The following NEK4 variants were observed in gnomAD, a reference collection of about 807,000 sequenced individuals.
The protein encoded by NEK4 is NIMA related kinase 4, also known as serine/threonine-protein kinase Nek4.
A neutral mutation model predicts 98.4 loss-of-function variants in NEK4; 86 were observed. The observed-to-expected ratio is 0.87, with a 90% CI of 0.73 to 1.05. The LOEUF is 1.05. NEK4 is among the 50% of genes least tolerant of loss of function. NEK4 has a pLI of 0.00. For synonymous variants in NEK4, 328 were observed against 342.2 expected, an observed-to-expected ratio of 0.96 and a Z score of 0.46; for missense variants, 898 against 950.3, an observed-to-expected ratio of 0.94 and a Z score of 0.72.
At chr3:52,743,325 CT>C in intron 12 of NEK4, 26 bp downstream of exon 12, 1 of 1,570,200 alleles carries the variant, frequency 6.4e-7, no homozygotes, top group Non-Finnish European at 8.8e-7. Flanking sequence ...GACTGTCCAC[CT>C]TCTCTCTTAG....
At chr3:52,764,747 TGTGCGC>T (rs1698486254) in intron 4 of NEK4, among the ~76,000 whole-genome samples, 1 of 148,848 alleles carries the variant, frequency 6.7e-6, no homozygotes, top group African/African-American at 2.5e-5. Flanking sequence ...AATCTGTGGG[TGTGCGC>T]GTGCGCATGC....
At chr3:52,758,958 C>T (rs945569445) in intron 6 of NEK4, among the ~76,000 whole-genome samples, 2 of 151,900 alleles carry the variant, frequency 1.3e-5, no homozygotes, top group Admixed American at 1.3e-4. Flanking sequence ...GGTATGGTGG[C>T]GTGCACCTGT....
intron 15 of NEK4, among the ~76,000 whole-genome samples, chr3:52,728,301 T>C (rs1056253337): frequency 8.5e-5 from 13 of 152,090 alleles, no homozygotes; most frequent in African/African-American, 2.4e-4. Context: ...ACTTGAGCCT[T>C]AGAGGTAGAG....
chr3:52,733,460 T>C (rs538081441), intron 15 of NEK4: 44 of 415,702 alleles, frequency 1.1e-4, no homozygotes, highest in South Asian at 8.5e-4. Context: ...ATGTAATGAG[T>C]GTACAAGAAC....
chr3:52,737,431 A>G, intron 15 of NEK4, 155 bp downstream of exon 15: 2 of 686,890 alleles, frequency 2.9e-6, no homozygotes, highest in Non-Finnish European at 4.8e-6. Context: ...TCTAATATCG[A>G]TTGTGGTAAT....
At chr3:52,734,702 GGAGTA>G (rs1324978930) in intron 15 of NEK4, 2 of 159,804 alleles carry the variant, frequency 1.3e-5, no homozygotes, top group African/African-American at 2.4e-5. Flanking sequence ...CAGTTATATC[GGAGTA>G]GAGAGTTTAA....
chr3:52,725,698 AT>A (rs900492264), intron 15 of NEK4, among the ~76,000 whole-genome samples: 3 of 152,186 alleles, frequency 2.0e-5, no homozygotes, highest in Non-Finnish European at 4.4e-5. Flanking sequence ...TATAATCTCC[AT>A]GGTAACCACA....
chr3:52,754,803 G>C (rs143302658), intron 6 of NEK4: 1 of 316,330 alleles, frequency 3.2e-6, no homozygotes, highest in Non-Finnish European at 6.4e-6. Context: ...GCCGGGCACC[G>C]TGGCTCATGC....
At position 52,743,371 on chromosome 3, in the gene NEK4, G is replaced by A. The variant is rs772255532; in HGVS notation, c.1985C>T (p.Ser662Phe). 1.2e-6 allele frequency: 2 copies of A among 1,614,054 alleles called. No homozygotes were observed. Among genetic ancestry groups the A allele is most frequent in the Non-Finnish European group, 1.7e-6 (2 of 1,179,928 alleles). Residue 662 changes from serine to phenylalanine, a missense_variant, in exon 12 of 16, where the codon TCT becomes TTT. Coordinates refer to ENST00000233027, the MANE Select transcript of NEK4 (RefSeq NM_003157.6). ...DQPLPARRLS[S>F]DCSVTQERKQ... ...ATGCACCTGAGTGACGCTGCAGTCA[G>A]AGGAGAGCCGTCGGGCAGGCAAGGG...
At chr3:52,734,026 T>C (rs1434175150) in intron 15 of NEK4, among the ~76,000 whole-genome samples, 1 of 152,136 alleles carries the variant, frequency 6.6e-6, no homozygotes, top group African/African-American at 2.4e-5. Context: ...AAGGTAACCT[T>C]ACAAATGTAA....
chr3:52,713,720 C>T (rs1021856595), intron 15 of NEK4, among the ~76,000 whole-genome samples: 26 of 148,066 alleles, frequency 1.8e-4, no homozygotes, highest in Non-Finnish European at 1.3e-4. Context: ...CTTGAACCCG[C>T]GAGGCGGAGG....
Position 52,746,800 on chromosome 3 carries a change from C to T in NEK4, c.1611G>A (p.Arg537=), listed in dbSNP as rs767757786. The T allele has an allele frequency of 2.3e-5, 37 of 1,613,974 alleles. No homozygotes were observed. Among genetic ancestry groups the T allele is most frequent in the Non-Finnish European group, 3.1e-5 (36 of 1,179,982 alleles). Residue 537 remains arginine, a synonymous_variant, in exon 9 of 16, where the codon CGG becomes CGA. Transcript: ENST00000233027. ...GCTCAGTCTGTTCTCTCCTCTTTTG[C>T]CGTCGCTGTCGAGACAGGGAAGGTT... ...GSEPSLSRQR[R]QKRREQTEHR...
intron 13 of NEK4, 124 bp downstream of exon 13, chr3:52,741,287 C>A: frequency 1.7e-6 from 1 of 572,778 alleles, no homozygotes; most frequent in Non-Finnish European, 3.1e-6. Flanking sequence ...CCAGCATATG[C>A]CACAAACCAT....
intron 15 of NEK4, among the ~76,000 whole-genome samples, chr3:52,726,001 T>C (rs898636273): frequency 1.3e-5 from 2 of 151,642 alleles, no homozygotes; most frequent in Non-Finnish European, 2.9e-5. Flanking sequence ...CACAAAAAAA[T>C]TGCAATTAAA....
intron 6 of NEK4, chr3:52,753,522 C>T: frequency 2.1e-6 from 1 of 480,708 alleles, no homozygotes; most frequent in Non-Finnish European, 4.2e-6. Flanking sequence ...TTGGAGTACA[C>T]ATTATGTACT....
In NEK4 at chr3:52,712,720, C is replaced by G. The variant is rs527645382; in HGVS notation, c.2434-851G>C. Among the ~76,000 whole-genome samples the G allele has an allele frequency of 6.6e-5, 10 of 152,358 alleles. No homozygotes were observed. In the South Asian group the frequency reaches 2.1e-3, roughly 32 times the overall value. ...TGGACCGGGTTCTCCCCCAGCTACC[C>G]TGGCCAAACTCCACCTCGTTCTGCT... On this transcript the variant is annotated intron_variant, in intron 15 of 15. Transcript: ENST00000233027.
intron 15 of NEK4, among the ~76,000 whole-genome samples, chr3:52,719,454 G>A (rs550729880): frequency 2.0e-5 from 3 of 151,974 alleles, no homozygotes; most frequent in South Asian, 2.1e-4. Flanking sequence ...ATGGTGACAC[G>A]CACCTGTAGT....
chr3:52,746,709 C>T, intron 9 of NEK4, 25 bp downstream of exon 9: 1 of 1,584,846 alleles, frequency 6.3e-7, no homozygotes, highest in Non-Finnish European at 8.6e-7. Context: ...AAGTCCACCT[C>T]CCAAACCAAA....
chr3:52,761,610 T>C (rs1428736348), intron 5 of NEK4, among the ~76,000 whole-genome samples: 1 of 152,214 alleles, frequency 6.6e-6, no homozygotes, highest in Non-Finnish European at 1.5e-5. Flanking sequence ...ATTTCGATGT[T>C]GGTTTCTTAG....
Sources: allele counts gnomAD v4.1 joint callset (sites outside exome capture counted in the v4.1 genomes callset), GRCh38; gene constraint gnomAD v4.1.1; transcripts MANE v1.5; gene names NCBI Gene and HGNC (gene_info 2026-07-23, HGNC 2026-07-21).